Variants in MYO9B observed in about 807,000 individuals in gnomAD.
MYO9B encodes the protein unconventional myosin-IXb.
MYO9B carries 71 observed loss-of-function variants against 229.5 expected under a neutral mutation model. That is an observed-to-expected ratio of 0.31 (90% CI 0.26 to 0.38). The LOEUF (loss-of-function observed/expected upper bound fraction) is 0.38, where lower values mean the gene tolerates loss of function less well. Ranked by LOEUF, MYO9B falls within the 10% of genes least tolerant of loss-of-function variation. The pLI is 1.00. For synonymous variants in MYO9B, 1,185 were observed against 1,235.8 expected (o/e 0.96, Z 0.86); for missense variants, 2,255 against 2,920.5 (o/e 0.77, Z 5.25).
intron 2 of MYO9B, among the ~76,000 whole-genome samples, chr19:17,115,273 C>T (rs773018627): frequency 1.1e-4 from 16 of 152,152 alleles, no homozygotes; most frequent in Non-Finnish European, 2.1e-4. Flanking sequence ...CATGCATTTA[C>T]ATATCATCCC....
At chr19:17,202,596 G>C (rs535804629) in intron 28 of MYO9B, among the ~76,000 whole-genome samples, 12 of 152,258 alleles carry the variant, frequency 7.9e-5, no homozygotes, top group African/African-American at 2.9e-4. Context: ...TACATGCCAT[G>C]CCCACCTATA....
At chr19:17,169,320 G>A (rs965284447) in intron 11 of MYO9B, among the ~76,000 whole-genome samples, 5 of 143,648 alleles carry the variant, frequency 3.5e-5, no homozygotes, top group Non-Finnish European at 6.0e-5. Context: ...TGCAGTGAGC[G>A]GAGATCACTC....
chr19:17,202,540 G>A lies in MYO9B; in HGVS notation c.4836+237G>A, dbSNP rs908232870. ...GCCACACCCACCCATGCCATGCCAC[G>A]CCTATGACATGCAACATGCTATGCC... On this transcript the variant is annotated intron_variant, in intron 28 of 39. Transcript: ENST00000682292. Among the ~76,000 whole-genome samples, 10 of 151,948 alleles carry A rather than the reference G, an allele frequency of 6.6e-5. No homozygotes were observed. In the East Asian group the frequency reaches 1.5e-3, roughly 23 times the overall value.
chr19:17,205,707 A>G (rs2073152450), intron 31 of MYO9B, among the ~76,000 whole-genome samples: 2 of 152,080 alleles, frequency 1.3e-5, no homozygotes, highest in African/African-American at 4.8e-5. Context: ...GCTAGGTTAT[A>G]GCTCTCTCCC....
At chr19:17,160,251 C>A (rs1341313053) in intron 8 of MYO9B, among the ~76,000 whole-genome samples, 1 of 152,122 alleles carries the variant, frequency 6.6e-6, no homozygotes, top group East Asian at 1.9e-4. Context: ...TCCAGGGCAC[C>A]ACGTGATATT....
chr19:17,193,884 C>T lies in MYO9B; in HGVS notation c.3129-672C>T, dbSNP rs1387483680. ...CAGAGCCAGACACTGTCTCTAAAAG[C>T]AAAACAGGCTGGGCATAGTGGCTCA... On this transcript the variant is annotated intron_variant, in intron 21 of 39. Coordinates refer to ENST00000682292, the MANE Select transcript of MYO9B (RefSeq NM_004145.4). This position sits in a 1 kb window ranked among gnomAD's most constrained non-coding sequence, Gnocchi z 4.3. 1.3e-5 allele frequency among the ~76,000 whole-genome samples: 2 copies of T among 152,030 alleles called. No individual in the cohort carries two copies. The highest frequency in any genetic ancestry group is 2.9e-5 in the Non-Finnish European group (2 of 68,016).
chr19:17,206,226 A>AT, intron 32 of MYO9B, 22 bp from the exon 33 acceptor site: 24 of 654,196 alleles, frequency 3.7e-5, no homozygotes, highest in South Asian at 6.0e-5. Flanking sequence ...CGCTCACCAG[A>AT]CCCACCCCAC....
At chr19:17,197,435 G>GATAGATAC (rs1555704408) in intron 22 of MYO9B, among the ~76,000 whole-genome samples, 4 of 151,574 alleles carry the variant, frequency 2.6e-5, no homozygotes, top group African/African-American at 7.3e-5. Flanking sequence ...TAGATAGATA[G>GATAGATAC]ATAGATAGAT....
intron 2 of MYO9B, among the ~76,000 whole-genome samples, chr19:17,131,467 C>T (rs551426089): frequency 2.2e-4 from 34 of 152,366 alleles, no homozygotes; most frequent in African/African-American, 8.2e-4. Flanking sequence ...CAGGGTTTCA[C>T]CGTGTTGGCC....
At chr19:17,118,049 G>A (rs940072360) in intron 2 of MYO9B, among the ~76,000 whole-genome samples, 4 of 151,898 alleles carry the variant, frequency 2.6e-5, no homozygotes, top group African/African-American at 7.3e-5. Flanking sequence ...TTTGGCAACT[G>A]CTGGAGACAT....
intron 2 of MYO9B, among the ~76,000 whole-genome samples, chr19:17,110,256 G>A (rs989837511): frequency 3.3e-5 from 5 of 152,202 alleles, no homozygotes; most frequent in African/African-American, 7.2e-5. Flanking sequence ...GTGGAAAGCC[G>A]GTTCCAATCA....
chr19:17,087,924 C>CG (rs1426949761), intron 1 of MYO9B, among the ~76,000 whole-genome samples: 84 of 146,278 alleles, frequency 5.7e-4, no homozygotes, highest in Non-Finnish European at 5.6e-4. Context: ...GAGCAAAACT[C>CG]CGTCTCAAAA....
chr19:17,104,538 G>A (rs928239935), intron 2 of MYO9B, among the ~76,000 whole-genome samples: 6 of 152,194 alleles, frequency 3.9e-5, no homozygotes, highest in African/African-American at 1.2e-4. Context: ...CAGGGGCAGC[G>A]TGTGGCCTCA....
At chr19:17,083,916 G>T (rs2057558081) in intron 1 of MYO9B, among the ~76,000 whole-genome samples, 1 of 152,100 alleles carries the variant, frequency 6.6e-6, no homozygotes, top group South Asian at 2.1e-4. Flanking sequence ...CTCCCAAGGT[G>T]CTGGGATTGC....
intron 14 of MYO9B, among the ~76,000 whole-genome samples, chr19:17,179,831 G>A (rs1427251592): frequency 2.0e-5 from 3 of 150,406 alleles, no homozygotes; most frequent in East Asian, 2.0e-4. Context: ...CCTGGAAAGT[G>A]GAGGTTGCAG....
chr19:17,139,468 G>A (rs1253463210), intron 2 of MYO9B, among the ~76,000 whole-genome samples: 1 of 152,022 alleles, frequency 6.6e-6, no homozygotes, highest in Non-Finnish European at 1.5e-5. Flanking sequence ...AGATAGGCTG[G>A]TTACTTTGGC....
chr19:17,196,331 G>C (rs897655594), intron 22 of MYO9B, among the ~76,000 whole-genome samples: 2 of 152,066 alleles, frequency 1.3e-5, no homozygotes, highest in Admixed American at 6.6e-5. Context: ...ATAGAAGACA[G>C]GTAGTAATGA....
At chr19:17,137,151 C>T (rs2072280679) in intron 2 of MYO9B, among the ~76,000 whole-genome samples, 1 of 151,512 alleles carries the variant, frequency 6.6e-6, no homozygotes, top group Admixed American at 6.6e-5. Flanking sequence ...TTGCTTGAAC[C>T]CAGGAGGCAG....
At chr19:17,092,123 C>G (rs10416982) in intron 1 of MYO9B, among the ~76,000 whole-genome samples, 1 of 152,074 alleles carries the variant, frequency 6.6e-6, no homozygotes, top group African/African-American at 2.4e-5. Context: ...CAGAGGCTGC[C>G]GGGAGCAGAA....
Sources: allele counts gnomAD v4.1 joint callset (sites outside exome capture counted in the v4.1 genomes callset), GRCh38; gene constraint gnomAD v4.1.1; non-coding constraint Gnocchi (gnomAD v3.1); transcripts MANE v1.5; gene names NCBI Gene and HGNC (gene_info 2026-07-23, HGNC 2026-07-21).